The following KCNH5 variants were observed in gnomAD, a reference collection of about 807,000 sequenced individuals.
KCNH5 encodes the protein voltage-gated delayed rectifier potassium channel KCNH5.
Under a neutral mutation model 96.1 loss-of-function variants are expected in KCNH5, and 46 were observed. That is an observed-to-expected ratio of 0.48 (90% CI 0.38 to 0.61). KCNH5 has a LOEUF of 0.61. KCNH5 is among the 20% of genes least tolerant of loss of function. The probability of loss-of-function intolerance (pLI) is 0.00; values close to 1 mark genes in which losing one functional copy is unlikely to be tolerated. For missense variants in KCNH5, 907 were observed against 1,225.8 expected (o/e 0.74, Z 3.88); for synonymous variants, 439 against 449.8 (o/e 0.98, Z 0.30).
intron 7 of KCNH5, among the ~76,000 whole-genome samples, chr14:62,937,497 C>T (rs1023617041): frequency 6.6e-6 from 1 of 152,196 alleles, no homozygotes; most frequent in Admixed American, 6.5e-5. Context: ...CCTAGCCCAC[C>T]TTCCTAAGGG....
At chr14:62,995,847 T>C in intron 4 of KCNH5, among the ~76,000 whole-genome samples, 1 of 152,144 alleles carries the variant, frequency 6.6e-6, no homozygotes, top group East Asian at 1.9e-4. Flanking sequence ...AGAAGAGACT[T>C]TGTATCTCCA....
Position 62,950,310 on chromosome 14 carries a change from T to C in KCNH5, c.1192A>G (p.Thr398Ala). 1 of 1,613,896 alleles carries C rather than the reference T, an allele frequency of 6.2e-7. No homozygotes were observed. Among genetic ancestry groups the C allele is most frequent in the Non-Finnish European group, 8.5e-7 (1 of 1,179,944 alleles). ...WLYQLALSIG[T>A]PYRYNTSAGI... ...GCACTGGTATTGTAGCGATATGGAG[T>C]CCCAATGCTCAAAGCCAGCTGGTAG... The change falls in exon 7 of 11, where the codon ACT becomes GCT. Residue 398 changes from threonine to alanine, a missense_variant. Thr to Ala is a moderately conservative substitution (Grantham distance 58, BLOSUM62 0). This residue lies in a region of KCNH5 where 370 missense variants were observed against 561.3 expected (regional missense o/e 0.66). Coordinates refer to ENST00000322893, the MANE Select transcript of KCNH5 (RefSeq NM_139318.5).
chr14:62,733,710 T>C (rs990631792), intron 10 of KCNH5, among the ~76,000 whole-genome samples: 8 of 152,266 alleles, frequency 5.3e-5, no homozygotes, highest in African/African-American at 1.9e-4. Context: ...CCACAGTCCA[T>C]AACTTAGTGG....
At position 62,708,026 on chromosome 14, in the gene KCNH5, T is replaced by C. The variant is rs752520236; in HGVS notation, c.2449A>G (p.Asn817Asp). 6 of 1,614,230 alleles carry C rather than the reference T, an allele frequency of 3.7e-6. No homozygotes were observed. The South Asian group carries it at 6.6e-5, about 18-fold the overall frequency. The change falls in exon 11 of 11, where the codon AAT becomes GAT. Residue 817 changes from asparagine (N) to aspartate (D), a missense_variant. Physicochemically the swap from Asn to Asp is conservative, Grantham distance 23. Coordinates refer to ENST00000322893, the MANE Select transcript of KCNH5 (RefSeq NM_139318.5). ...TTTTTCTCCTCATGGGCTCCCATAT[T>C]ATTCTTGAGTCGCAGCCACCCTTTT... Reference protein sequence around the residue: ...NGKGWLRLKNNMGAHEEKKED... With the variant: ...NGKGWLRLKNDMGAHEEKKED...
intron 1 of KCNH5, among the ~76,000 whole-genome samples, chr14:63,028,246 T>C (rs190339780): frequency 6.6e-6 from 1 of 152,240 alleles, no homozygotes; most frequent in East Asian, 1.9e-4. Flanking sequence ...TCAACAGCTC[T>C]ACAATGGGAA....
At chr14:62,845,458 T>C (rs1259073250) in intron 8 of KCNH5, among the ~76,000 whole-genome samples, 1 of 152,194 alleles carries the variant, frequency 6.6e-6, no homozygotes, top group African/African-American at 2.4e-5. Context: ...GATAGGTAGA[T>C]ACACACACAC....
chr14:62,874,345 G>A (rs999245331), intron 7 of KCNH5, among the ~76,000 whole-genome samples: 2 of 152,110 alleles, frequency 1.3e-5, no homozygotes, highest in Admixed American at 1.3e-4. Flanking sequence ...CATTTATGCA[G>A]CAAACGAACA....
intron 7 of KCNH5, among the ~76,000 whole-genome samples, chr14:62,915,321 A>G (rs1889253241): frequency 6.6e-6 from 1 of 152,246 alleles, no homozygotes; most frequent in Admixed American, 6.5e-5. Context: ...CACATTGAAT[A>G]GAATATTTCA....
chr14:62,997,153 C>T (rs900919871), intron 4 of KCNH5, among the ~76,000 whole-genome samples: 7 of 152,274 alleles, frequency 4.6e-5, no homozygotes, highest in South Asian at 2.1e-4. Flanking sequence ...GATATCCATC[C>T]TCTCAAGCAT....
At chr14:62,874,011 C>T (rs1455406565) in intron 7 of KCNH5, among the ~76,000 whole-genome samples, 1 of 152,158 alleles carries the variant, frequency 6.6e-6, no homozygotes, top group Non-Finnish European at 1.5e-5. Context: ...ACTCCTGAGG[C>T]TAATGATAAA....
At chr14:62,957,598 T>G (rs1483297355) in intron 6 of KCNH5, among the ~76,000 whole-genome samples, 1 of 152,226 alleles carries the variant, frequency 6.6e-6, no homozygotes, top group East Asian at 1.9e-4. Flanking sequence ...CTAGACTGAC[T>G]TTAGGACTTG....
chr14:62,730,065 A>C (rs1885017515), intron 10 of KCNH5, among the ~76,000 whole-genome samples: 1 of 152,170 alleles, frequency 6.6e-6, no homozygotes, highest in Admixed American at 6.5e-5. Context: ...TTTTCTGTGA[A>C]TTTTCAGTTT....
intron 10 of KCNH5, among the ~76,000 whole-genome samples, chr14:62,716,880 T>C (rs1884698250): frequency 6.6e-6 from 1 of 152,094 alleles, no homozygotes; most frequent in Admixed American, 6.5e-5. Context: ...GATGACATGA[T>C]CATGCATATA....
intron 4 of KCNH5, among the ~76,000 whole-genome samples, chr14:62,993,474 T>C (rs531892955): frequency 2.9e-4 from 44 of 152,154 alleles, no homozygotes; most frequent in African/African-American, 9.1e-4. Context: ...TAAACCACTA[T>C]GGCACCTGGT....
At chr14:62,983,488 A>T (rs1890649649) in intron 5 of KCNH5, among the ~76,000 whole-genome samples, 3 of 151,886 alleles carry the variant, frequency 2.0e-5, no homozygotes, top group Non-Finnish European at 4.4e-5. Flanking sequence ...TTTTGTTTTT[A>T]CCTAAAATTA....
At position 62,793,964 on chromosome 14, in the gene KCNH5, A is replaced by G. The variant is rs567271656; in HGVS notation, c.1822+8365T>C. On this transcript the variant is annotated intron_variant, in intron 9 of 10. Coordinates refer to ENST00000322893, the MANE Select transcript of KCNH5 (RefSeq NM_139318.5). ...TTTCCACTTTAACATTTACCAACTAAGTAGACTCTGAACTCTTCCATAACC... is the reference window on the plus strand; with the variant it reads ...TTTCCACTTTAACATTTACCAACTAGGTAGACTCTGAACTCTTCCATAACC... 4.6e-5 allele frequency among the ~76,000 whole-genome samples: 7 copies of G among 152,122 alleles called. No homozygotes were observed. In the East Asian group the frequency reaches 1.4e-3, roughly 29 times the overall value.
intron 6 of KCNH5, among the ~76,000 whole-genome samples, chr14:62,970,073 T>TAAAAAAAAAAAAAAAAA (rs1284748914): frequency 4.7e-4 from 53 of 112,116 alleles, no homozygotes; most frequent in Non-Finnish European, 8.4e-4. Context: ...AAAAAAAAAT[T>TAAAAAAAAAAAAAAAAA]AAATCAATAA....
chr14:62,869,728 G>A (rs1888213309), intron 7 of KCNH5, among the ~76,000 whole-genome samples: 1 of 152,100 alleles, frequency 6.6e-6, no homozygotes, highest in South Asian at 2.1e-4. Context: ...GAAACAGCAT[G>A]GTACTGGTAC....
At chr14:62,713,628 T>G (rs1248730367) in intron 10 of KCNH5, among the ~76,000 whole-genome samples, 1 of 152,234 alleles carries the variant, frequency 6.6e-6, no homozygotes, top group Non-Finnish European at 1.5e-5. Context: ...GATTTAATCA[T>G]GCTTATGGAC....
Sources: gnomAD v4.1 joint callset for allele counts (sites outside exome capture counted in the v4.1 genomes callset) on GRCh38, gnomAD v4.1.1 for gene constraint, gnomAD v4.1.1 regional missense constraint, MANE v1.5 for transcripts, NCBI Gene and HGNC (gene_info 2026-07-23, HGNC 2026-07-21) for gene names.